TTLL5: variants seen among roughly 807,000 people sequenced by gnomAD.
TTLL5 encodes tubulin tyrosine ligase like 5.
Under a neutral mutation model 168.4 loss-of-function variants are expected in TTLL5, and 132 were observed. That is an observed-to-expected ratio of 0.78 (90% CI 0.68 to 0.91). TTLL5 has a LOEUF of 0.91. TTLL5 is among the 40% of genes least tolerant of loss of function. The pLI is 0.00. For synonymous variants in TTLL5, 546 were observed against 558.6 expected (o/e 0.98, Z 0.32); for missense variants, 1,545 against 1,581.5 (o/e 0.98, Z 0.39).
intron 31 of TTLL5, among the ~76,000 whole-genome samples, chr14:75,911,194 A>AT (rs59105131): frequency 1.9e-4 from 29 of 148,798 alleles, no homozygotes; most frequent in Admixed American, 9.4e-4. Flanking sequence ...TGCATGGCTA[A>AT]TTTTTTTTTT....
intron 29 of TTLL5, among the ~76,000 whole-genome samples, chr14:75,879,881 G>T (rs1566642907): frequency 6.6e-6 from 1 of 152,152 alleles, no homozygotes; most frequent in East Asian, 1.9e-4. Flanking sequence ...CTTCACTTGG[G>T]TATCTTGATT....
chr14:75,786,375 G>A (rs993655884), intron 26 of TTLL5, among the ~76,000 whole-genome samples: 1 of 152,130 alleles, frequency 6.6e-6, no homozygotes, highest in African/African-American at 2.4e-5. Context: ...AAAGAAGTTG[G>A]TGAGTTCATA....
At chr14:75,773,503 G>A (rs1383668131) in intron 21 of TTLL5, among the ~76,000 whole-genome samples, 2 of 152,124 alleles carry the variant, frequency 1.3e-5, no homozygotes. Flanking sequence ...ATGCTGGCTT[G>A]GAATTCACAC....
intron 30 of TTLL5, among the ~76,000 whole-genome samples, chr14:75,896,774 C>T (rs780524497): frequency 5.3e-5 from 8 of 151,946 alleles, no homozygotes; most frequent in Non-Finnish European, 1.0e-4. Flanking sequence ...CAGAGGAAAC[C>T]ACAAATAAAG....
chr14:75,864,510 G>A (rs1049680305), intron 29 of TTLL5, among the ~76,000 whole-genome samples: 5 of 152,080 alleles, frequency 3.3e-5, no homozygotes, highest in East Asian at 3.9e-4. Context: ...ATGTTGATTC[G>A]CTACTCACTG....
chr14:75,750,652 G>C (rs991284807), intron 17 of TTLL5, among the ~76,000 whole-genome samples: 6 of 151,830 alleles, frequency 4.0e-5, no homozygotes, highest in Admixed American at 3.9e-4. Context: ...TTTTGGGGAA[G>C]CAAAAGTTAT....
At chr14:75,805,295 A>G (rs1039462719) in intron 27 of TTLL5, among the ~76,000 whole-genome samples, 9 of 152,200 alleles carry the variant, frequency 5.9e-5, no homozygotes, top group African/African-American at 1.7e-4. Context: ...GCTCTCCCTG[A>G]AAACTAGATT....
chr14:75,707,796 C>A, intron 9 of TTLL5, 89 bp downstream of exon 9: 1 of 1,106,782 alleles, frequency 9.0e-7, no homozygotes, highest in Non-Finnish European at 1.4e-6. Context: ...TTTATTAAAT[C>A]AGATCATGCT....
At chr14:75,821,010 T>C (rs1367741654) in intron 28 of TTLL5, among the ~76,000 whole-genome samples, 1 of 152,148 alleles carries the variant, frequency 6.6e-6, no homozygotes, top group African/African-American at 2.4e-5. Flanking sequence ...TCACGCCCCA[T>C]GCCAGTACTT....
chr14:75,677,216 T>C (rs189818250), intron 3 of TTLL5, among the ~76,000 whole-genome samples: 23 of 152,280 alleles, frequency 1.5e-4, no homozygotes, highest in Admixed American at 1.5e-3. Context: ...TTAACTGATT[T>C]AGTGCTTACA....
intron 30 of TTLL5, among the ~76,000 whole-genome samples, chr14:75,892,501 C>G (rs2032450488): frequency 1.3e-5 from 2 of 152,164 alleles, no homozygotes; most frequent in Non-Finnish European, 2.9e-5. Context: ...GTTTCCCCCC[C>G]AGGAGACATT....
At chr14:75,854,907 T>C (rs754190811) in intron 28 of TTLL5, among the ~76,000 whole-genome samples, 1 of 152,202 alleles carries the variant, frequency 6.6e-6, no homozygotes, top group East Asian at 1.9e-4. Context: ...AGAAATCCTT[T>C]GTCACATATA....
chr14:75,756,785 G>A (rs1362973145), intron 18 of TTLL5, among the ~76,000 whole-genome samples: 2 of 152,114 alleles, frequency 1.3e-5, no homozygotes, highest in African/African-American at 4.8e-5. Context: ...TAGAATTACA[G>A]GCATGAGCCA....
chr14:75,832,894 T>G (rs1895656276), intron 28 of TTLL5, among the ~76,000 whole-genome samples: 1 of 152,112 alleles, frequency 6.6e-6, no homozygotes, highest in Non-Finnish European at 1.5e-5. Flanking sequence ...TTTTCTTAAG[T>G]CTCCCTTCTT....
chr14:75,766,185 T>C lies in TTLL5; in HGVS notation c.1832T>C (p.Leu611Pro), dbSNP rs2030483829. The C allele has an allele frequency of 6.2e-7, 1 of 1,614,080 alleles. No homozygotes were observed. Among genetic ancestry groups the C allele is most frequent in the Non-Finnish European group, 8.5e-7 (1 of 1,179,984 alleles). Reference protein sequence around the residue: ...EASQEESAGFLRENQAKYTPS... With the variant: ...EASQEESAGFPRENQAKYTPS... ...TCCCAGGAGGAGTCTGCAGGATTTCTTAGAGAAAATCAAGCCAAATATACA... is the reference window on the plus strand; with the variant it reads ...TCCCAGGAGGAGTCTGCAGGATTTCCTAGAGAAAATCAAGCCAAATATACA... Residue 611 changes from leucine (L) to proline (P), a missense_variant, in exon 20 of 32, where the codon CTT (leucine) becomes CCT (proline). Leu to Pro is a moderately conservative substitution (Grantham distance 98, BLOSUM62 -3). Transcript: ENST00000298832.
intron 18 of TTLL5, among the ~76,000 whole-genome samples, chr14:75,762,255 C>T (rs542596020): frequency 2.6e-5 from 4 of 152,080 alleles, no homozygotes; most frequent in African/African-American, 7.2e-5. Context: ...ATTAGCCAGG[C>T]GTGGTGGCAC....
chr14:75,825,953 C>T (rs1190698338), intron 28 of TTLL5, among the ~76,000 whole-genome samples: 1 of 152,008 alleles, frequency 6.6e-6, no homozygotes, highest in Non-Finnish European at 1.5e-5. Context: ...TCTACAGTTC[C>T]TCCTTCACCG....
intron 31 of TTLL5, among the ~76,000 whole-genome samples, chr14:75,938,703 A>G (rs1404854515): frequency 1.3e-5 from 2 of 152,172 alleles, no homozygotes; most frequent in Admixed American, 1.3e-4. Flanking sequence ...CTGCTCGTAA[A>G]TCTCAGTTTC....
intron 9 of TTLL5, among the ~76,000 whole-genome samples, chr14:75,708,439 C>G (rs976545730): frequency 6.6e-6 from 1 of 152,096 alleles, no homozygotes; most frequent in Non-Finnish European, 1.5e-5. Flanking sequence ...CATTCTCCTG[C>G]CTCAGCCTCC....
Sources: gnomAD v4.1 joint callset for allele counts (sites outside exome capture counted in the v4.1 genomes callset) on GRCh38, gnomAD v4.1.1 for gene constraint, MANE v1.5 for transcripts, NCBI Gene and HGNC (gene_info 2026-07-23, HGNC 2026-07-21) for gene names.